NPRL3: variants seen among roughly 807,000 people sequenced by gnomAD.
The protein encoded by NPRL3 is NPR3 like, GATOR1 complex subunit, also known as GATOR1 complex protein NPRL3.
Under a neutral mutation model 57.2 loss-of-function variants are expected in NPRL3, and 23 were observed. The observed-to-expected ratio is 0.40, with a 90% confidence interval of 0.29 to 0.57. The LOEUF (loss-of-function observed/expected upper bound fraction) is 0.57, where lower values mean the gene tolerates loss of function less well. Ranked by LOEUF, NPRL3 falls within the 20% of genes least tolerant of loss-of-function variation. NPRL3 has a pLI of 0.42. For synonymous variants in NPRL3, 333 were observed against 321.1 expected, an observed-to-expected ratio of 1.04 and a Z score of -0.39; for missense variants, 691 against 767.1, an observed-to-expected ratio of 0.90 and a Z score of 1.17.
intron 3 of NPRL3, among the ~76,000 whole-genome samples, chr16:121,613 C>CTCAAA (rs1334488330): frequency 7.8e-6 from 1 of 128,668 alleles, no homozygotes; most frequent in African/African-American, 2.6e-5. Context: ...GAGCGAAACT[C>CTCAAA]CGTCTCAAAA....
At chr16:110,439 G>C in intron 7 of NPRL3, 86 bp downstream of exon 7, 1 of 1,039,284 alleles carries the variant, frequency 9.6e-7, no homozygotes, top group Non-Finnish European at 1.5e-6. Context: ...TCAGTACCGG[G>C]GAGCCCTACC....
At chr16:108,470 T>C (rs994269647) in intron 7 of NPRL3, among the ~76,000 whole-genome samples, 2 of 152,012 alleles carry the variant, frequency 1.3e-5, no homozygotes, top group Non-Finnish European at 2.9e-5. Flanking sequence ...CAAATGCCAT[T>C]TTCCCTATTA....
chr16:117,220 A>C, intron 5 of NPRL3, 81 bp downstream of exon 5: 1 of 991,472 alleles, frequency 1.0e-6, no homozygotes, highest in African/African-American at 1.6e-5. Context: ...GCTCCGAGTC[A>C]ATGACACGCT....
intron 6 of NPRL3, among the ~76,000 whole-genome samples, chr16:110,844 C>G (rs1312112870): frequency 5.3e-5 from 8 of 152,186 alleles, no homozygotes; most frequent in African/African-American, 1.9e-4. Flanking sequence ...GCCACCACGC[C>G]TGGCCTAGAC....
At chr16:102,276 C>T (rs1245675092) in intron 7 of NPRL3, among the ~76,000 whole-genome samples, 4 of 152,206 alleles carry the variant, frequency 2.6e-5, no homozygotes, top group Admixed American at 1.3e-4. Flanking sequence ...TAAGAGCCAA[C>T]AGCACTTGTT....
intron 8 of NPRL3, 120 bp from the exon 9 acceptor site, chr16:98,421 CG>C: frequency 1.8e-6 from 2 of 1,102,646 alleles, no homozygotes; most frequent in Non-Finnish European, 2.6e-6. Flanking sequence ...AGGTATGCAC[CG>C]GGTATGCACC....
intron 12 of NPRL3, 33 bp downstream of exon 12, chr16:89,680 C>T (rs1231865275): frequency 4.7e-6 from 7 of 1,499,746 alleles, no homozygotes; most frequent in African/African-American, 4.2e-5. Flanking sequence ...AGCGTCTCCC[C>T]TGACTACCAC....
chr16:111,257 G>A (rs570942021), intron 6 of NPRL3, among the ~76,000 whole-genome samples: 13 of 151,752 alleles, frequency 8.6e-5, no homozygotes, highest in Middle Eastern at 3.2e-3. Context: ...AAAATTAGCC[G>A]GGCGTGGTGG....
chr16:112,240 C>T (rs966002509), intron 6 of NPRL3, among the ~76,000 whole-genome samples: 2 of 152,166 alleles, frequency 1.3e-5, no homozygotes, highest in African/African-American at 2.4e-5. Flanking sequence ...CATTTCTGGT[C>T]GGGAAATCTA....
intron 9 of NPRL3, among the ~76,000 whole-genome samples, chr16:97,270 TTG>T (rs1899053474): frequency 6.6e-6 from 1 of 151,858 alleles, no homozygotes; most frequent in African/African-American, 2.4e-5. Context: ...TTTTTTTTTT[TTG>T]GAAACAGAGT....
chr16:130,489 C>T (rs375254744), intron 3 of NPRL3, 33 bp downstream of exon 3: 71 of 1,539,094 alleles, frequency 4.6e-5, no homozygotes, highest in Non-Finnish European at 5.8e-5. Flanking sequence ...GACCAGGACA[C>T]GCCCCGCCCT....
At chr16:98,010 G>T in intron 9 of NPRL3, 135 bp downstream of exon 9, 1 of 1,084,518 alleles carries the variant, frequency 9.2e-7, no homozygotes, top group Non-Finnish European at 1.3e-6. Flanking sequence ...CCAGGGACTG[G>T]CCCCACCCCA....
At chr16:128,540 T>G (rs902268019) in intron 3 of NPRL3, among the ~76,000 whole-genome samples, 2 of 151,954 alleles carry the variant, frequency 1.3e-5, no homozygotes, top group Non-Finnish European at 2.9e-5. Context: ...AGGCCGAGGC[T>G]GGTGGATCAC....
At chr16:93,902 C>T (rs1174796363) in intron 9 of NPRL3, among the ~76,000 whole-genome samples, 1 of 152,166 alleles carries the variant, frequency 6.6e-6, no homozygotes, top group Non-Finnish European at 1.5e-5. Flanking sequence ...TGTTTGGTGG[C>T]ACTGTTTTCC....
chr16:98,392 A>G (rs1899117476), intron 8 of NPRL3, 91 bp from the exon 9 acceptor site: 3 of 1,393,230 alleles, frequency 2.2e-6, no homozygotes, highest in South Asian at 2.7e-5. Flanking sequence ...TGCACCGGGT[A>G]TGCACCAGGT....
At chr16:92,850 A>G (rs1401917575) in intron 10 of NPRL3, 125 bp from the exon 11 acceptor site, 8 of 1,297,096 alleles carry the variant, frequency 6.2e-6, no homozygotes, top group Non-Finnish European at 7.5e-6. Flanking sequence ...ATGAGGGCAG[A>G]ACGGTATGAG....
At chr16:113,738 C>G (rs751064885) in intron 5 of NPRL3, among the ~76,000 whole-genome samples, 1 of 152,228 alleles carries the variant, frequency 6.6e-6, no homozygotes, top group East Asian at 1.9e-4. Flanking sequence ...CTGCCTCCCC[C>G]TCCTGTTTAT....
intron 13 of NPRL3, among the ~76,000 whole-genome samples, chr16:88,382 C>G (rs1367597886): frequency 1.4e-5 from 1 of 69,062 alleles, no homozygotes. Context: ...AGCGAGACTC[C>G]GTCTCAAAAA....
intron 12 of NPRL3, 113 bp downstream of exon 12, chr16:89,600 G>T: frequency 2.0e-6 from 2 of 1,000,696 alleles, no homozygotes; most frequent in Admixed American, 6.8e-5. Context: ...GCATGTGCGT[G>T]TGCAGCTGTG....
Sources: gnomAD v4.1 joint callset for allele counts (sites outside exome capture counted in the v4.1 genomes callset) on GRCh38, gnomAD v4.1.1 for gene constraint, MANE v1.5 for transcripts, NCBI Gene and HGNC (gene_info 2026-07-23, HGNC 2026-07-21) for gene names.